The following ORC1 variants were observed in gnomAD, a reference collection of about 807,000 sequenced individuals.
ORC1 encodes the protein origin recognition complex, subunit 1 homolog.
Under a neutral mutation model 98.9 loss-of-function variants are expected in ORC1, and 61 were observed. That is an observed-to-expected ratio of 0.62 (90% CI 0.50 to 0.76). ORC1 has a LOEUF of 0.76. ORC1 is among the 30% of genes least tolerant of loss of function. The pLI is 0.00. For missense variants in ORC1, 979 were observed against 1,072.2 expected (o/e 0.91, Z 1.21); for synonymous variants, 385 against 406.9 (o/e 0.95, Z 0.65).
intron 9 of ORC1, 46 bp downstream of exon 9, chr1:52,385,805 GC>G (rs1557575569): frequency 8.1e-7 from 1 of 1,236,870 alleles, no homozygotes. Flanking sequence ...GAAAGCAGAG[GC>G]CCCATGGTTC....
intron 15 of ORC1, among the ~76,000 whole-genome samples, chr1:52,375,229 G>A (rs1011272729): frequency 1.3e-5 from 2 of 151,904 alleles, no homozygotes; most frequent in African/African-American, 4.8e-5. Context: ...GCACTTTTAT[G>A]CCCTAAACAC....
chr1:52,395,656 T>C (rs1442195932), intron 5 of ORC1, among the ~76,000 whole-genome samples: 1 of 151,986 alleles, frequency 6.6e-6, no homozygotes, highest in Non-Finnish European at 1.5e-5. Context: ...CTACAAAAAA[T>C]TAAAATAAAA....
intron 14 of ORC1, among the ~76,000 whole-genome samples, chr1:52,377,474 T>C (rs1410006829): frequency 1.3e-5 from 2 of 151,430 alleles, no homozygotes; most frequent in East Asian, 2.0e-4. Flanking sequence ...GGGGTTTTAA[T>C]ATGTTGCCCA....
chr1:52,380,939 T>G (rs556544314), intron 14 of ORC1, among the ~76,000 whole-genome samples: 46 of 152,356 alleles, frequency 3.0e-4, no homozygotes, highest in Admixed American at 2.1e-3. Flanking sequence ...AGTCATGTGC[T>G]GCTGCTACAG....
Position 52,396,450 on chromosome 1 carries a change from T to C in ORC1, c.403-86A>G, listed in dbSNP as rs999761961. 6.0e-5 allele frequency: 93 copies of C among 1,537,392 alleles called. 1 individual carries two copies. The highest frequency in any genetic ancestry group is 2.2e-4 in the South Asian group (20 of 89,236). ...TCCATCAGAGCTACAATTAAAAACA[T>C]TGAAGTCCACATCTGTACCTAAAAT... On this transcript the variant is annotated intron_variant, in intron 4 of 16. Coordinates refer to ENST00000371568, the MANE Select transcript of ORC1 (RefSeq NM_004153.4).
At position 52,385,205 on chromosome 1, in the gene ORC1, G is replaced by A; in HGVS notation, c.1539C>T (p.Asp513=). The change falls in exon 10 of 17, where the codon GAC becomes GAT. Residue 513 remains aspartate (D), a synonymous_variant. Coordinates refer to ENST00000371568, the MANE Select transcript of ORC1 (RefSeq NM_004153.4). ...GTTTGCTTTCCACAAAATTGTAGAT[G>A]TCTTGGAATTCCTGTTCCCGACAGG... is the stretch of plus-strand genomic sequence containing the variant. The part of the protein sequence containing the change: ...SLPCREQEFQ[D]IYNFVESKLL... The A allele has an allele frequency of 8.1e-6, 13 of 1,613,916 alleles. No individual in the cohort carries two copies. The highest frequency in any genetic ancestry group is 2.2e-5 in the East Asian group (1 of 44,876).
At position 52,388,655 on chromosome 1, in the gene ORC1, A is replaced by G; in HGVS notation, c.1188-18T>C. 1.3e-6 allele frequency: 2 copies of G among 1,597,572 alleles called. No individual in the cohort carries two copies. Among genetic ancestry groups the G allele is most frequent in the Middle Eastern group, 1.9e-4 (1 of 5,346 alleles). ...CTAGAAACCTGAATGGTAGGGACAT[A>G]TTTTTTGATACTCAGTGTTCAAGTC... On this transcript the variant is annotated intron_variant, in intron 7 of 16. Coordinates refer to ENST00000371568, the MANE Select transcript of ORC1 (RefSeq NM_004153.4).
intron 13 of ORC1, among the ~76,000 whole-genome samples, chr1:52,383,087 T>G (rs964288863): frequency 1.6e-4 from 24 of 151,848 alleles, no homozygotes; most frequent in South Asian, 4.2e-4. Context: ...TTTTTTTTTT[T>G]GGGATGGACT....
At chr1:52,386,588 C>T (rs1647145919) in intron 8 of ORC1, among the ~76,000 whole-genome samples, 1 of 152,228 alleles carries the variant, frequency 6.6e-6, no homozygotes, top group Admixed American at 6.5e-5. Context: ...TTTCACTCCA[C>T]CCACCCTCTG....
At chr1:52,401,691 C>T (rs1006336970) in intron 2 of ORC1, among the ~76,000 whole-genome samples, 1 of 152,044 alleles carries the variant, frequency 6.6e-6, no homozygotes, top group Non-Finnish European at 1.5e-5. Flanking sequence ...GTAATGAATC[C>T]AAAGGTCTTA....
In ORC1 at chr1:52,377,718, A is replaced by C. The variant is rs998996477; in HGVS notation, c.2134-2119T>G. Among the ~76,000 whole-genome samples, 429 of 151,716 alleles carry C rather than the reference A, an allele frequency of 2.8e-3. 3 individuals carry two copies. The highest frequency in any genetic ancestry group is 9.8e-3 in the African/African-American group (404 of 41,398). ...CCCCTAGAAGCAAAAAAAAAAAAAAAAAAAAACAAATTCTAAATGAATTCA... is the reference window on the plus strand; with the variant it reads ...CCCCTAGAAGCAAAAAAAAAAAAAACAAAAAACAAATTCTAAATGAATTCA... On this transcript the variant is annotated intron_variant, in intron 14 of 16. Coordinates refer to ENST00000371568, the MANE Select transcript of ORC1 (RefSeq NM_004153.4).
intron 14 of ORC1, 79 bp downstream of exon 14, chr1:52,381,563 C>A: frequency 6.8e-7 from 1 of 1,464,062 alleles, no homozygotes; most frequent in Non-Finnish European, 9.5e-7. Context: ...AACCTCAGAG[C>A]ACCAGCATAG....
At chr1:52,378,352 A>C (rs1306490169) in intron 14 of ORC1, among the ~76,000 whole-genome samples, 1 of 149,520 alleles carries the variant, frequency 6.7e-6, no homozygotes, top group Non-Finnish European at 1.5e-5. Context: ...CTCAAAAAAA[A>C]AAAACAAACA....
intron 14 of ORC1, among the ~76,000 whole-genome samples, chr1:52,377,508 C>T (rs1360002028): frequency 2.6e-5 from 4 of 151,620 alleles, no homozygotes; most frequent in African/African-American, 9.7e-5. Flanking sequence ...CTCCTGGGCT[C>T]AAGTGATCCT....
upstream of ORC1, chr1:52,405,640 C>T (rs1647963527): frequency 1.2e-6 from 2 of 1,602,692 alleles, no homozygotes; most frequent in African/African-American, 2.7e-5. Context: ...CTAGGAAGAG[C>T]TTAGCCCTAA....
intron 1 of ORC1, among the ~76,000 whole-genome samples, chr1:52,403,224 G>A (rs1294544205): frequency 6.6e-6 from 1 of 152,210 alleles, no homozygotes; most frequent in African/African-American, 2.4e-5. Flanking sequence ...AGTACCCATC[G>A]TGTGCCAGGC....
At chr1:52,408,608 A>G (rs1288335217), upstream of ORC1, 19 of 1,614,108 alleles carry the variant, frequency 1.2e-5, no homozygotes, top group Non-Finnish European at 1.6e-5. Context: ...TGAGGCTGAC[A>G]GGCACTGCAA....
intron 9 of ORC1, 152 bp from the exon 10 acceptor site, chr1:52,385,414 A>G: frequency 1.4e-6 from 1 of 719,704 alleles, no homozygotes; most frequent in South Asian, 1.5e-5. Context: ...TCATTCTCAA[A>G]TCCCTCCATT....
chr1:52,384,157 G>C (rs887142285), intron 11 of ORC1, among the ~76,000 whole-genome samples: 2 of 152,178 alleles, frequency 1.3e-5, no homozygotes, highest in Non-Finnish European at 1.5e-5. Context: ...TGAGTCACAG[G>C]CTGGGCCAGA....
Sources: allele counts gnomAD v4.1 joint callset (sites outside exome capture counted in the v4.1 genomes callset), GRCh38; gene constraint gnomAD v4.1.1; transcripts MANE v1.5; gene names NCBI Gene and HGNC (gene_info 2026-07-23, HGNC 2026-07-21).